The following CELF2 variants were observed in gnomAD, a reference collection of about 807,000 sequenced individuals.
The protein encoded by CELF2 is CUGBP Elav-like family member 2, also known as CUG triplet repeat RNA-binding protein 2.
CELF2 carries 8 observed loss-of-function variants against 62.6 expected under a neutral mutation model. The observed-to-expected ratio is 0.13, with a 90% CI of 0.07 to 0.23. The LOEUF is 0.23. Ranked by LOEUF, CELF2 falls within the 10% of genes least tolerant of loss-of-function variation. CELF2 has a pLI of 1.00. For missense variants in CELF2, 333 were observed against 671.0 expected, an observed-to-expected ratio of 0.50 and a Z score of 5.56; for synonymous variants, 258 against 250.0, an observed-to-expected ratio of 1.03 and a Z score of -0.30.
At chr10:10,728,181 T>G in the CELF2 span, among the ~76,000 whole-genome samples, 1 of 151,168 alleles carries the variant, frequency 6.6e-6, no homozygotes, top group Non-Finnish European at 1.5e-5. Context: ...GGCTCATGCC[T>G]GTAAATCCCA....
chr10:10,872,329 A>C (rs1219106468), intron 1 of CELF2, among the ~76,000 whole-genome samples: 1 of 152,224 alleles, frequency 6.6e-6, no homozygotes, highest in Non-Finnish European at 1.5e-5. Context: ...TGATCTCAAC[A>C]AATTAACTTC....
chr10:10,699,570 G>A, the CELF2 span, among the ~76,000 whole-genome samples: 2 of 152,240 alleles, frequency 1.3e-5, no homozygotes, highest in South Asian at 4.1e-4. Flanking sequence ...GTGATTTGCA[G>A]TTATCTAGGT....
chr10:10,868,781 A>G (rs1564742496), intron 1 of CELF2, among the ~76,000 whole-genome samples: 1 of 152,370 alleles, frequency 6.6e-6, no homozygotes, highest in East Asian at 1.9e-4. Context: ...CATTTGTGAT[A>G]TGTATACTTT....
At chr10:10,541,358 C>T in the CELF2 span, among the ~76,000 whole-genome samples, 1 of 151,884 alleles carries the variant, frequency 6.6e-6, no homozygotes, top group Non-Finnish European at 1.5e-5. Flanking sequence ...GGTTCTTGGA[C>T]CTCATGCAAG....
chr10:10,906,325 A>C (rs1402948690), intron 1 of CELF2, among the ~76,000 whole-genome samples: 1 of 152,200 alleles, frequency 6.6e-6, no homozygotes. Flanking sequence ...ACCTGAAAAA[A>C]AGCCATCTTT....
the CELF2 span, among the ~76,000 whole-genome samples, chr10:10,775,648 C>G: frequency 6.6e-6 from 1 of 151,492 alleles, no homozygotes; most frequent in Non-Finnish European, 1.5e-5. Flanking sequence ...GGGACAGAGA[C>G]ATAGAAACAG....
chr10:10,919,733 T>C (rs777627096), intron 1 of CELF2, among the ~76,000 whole-genome samples: 6 of 152,210 alleles, frequency 3.9e-5, no homozygotes, highest in East Asian at 3.9e-4. Context: ...CACCAGAAAG[T>C]AGAGGCAGAT....
chr10:11,035,319 G>A (rs1233755822), intron 1 of CELF2, among the ~76,000 whole-genome samples: 1 of 152,232 alleles, frequency 6.6e-6, no homozygotes, highest in Non-Finnish European at 1.5e-5. Flanking sequence ...GTAGCAGCCT[G>A]CTGGGAGATG....
chr10:11,279,894 G>A (rs889117704), intron 8 of CELF2, among the ~76,000 whole-genome samples: 3 of 152,084 alleles, frequency 2.0e-5, no homozygotes, highest in East Asian at 3.9e-4. Context: ...TTAGCCCATC[G>A]TTGAGTTCCT....
chr10:10,676,953 T>C, the CELF2 span, among the ~76,000 whole-genome samples: 3 of 152,204 alleles, frequency 2.0e-5, no homozygotes, highest in Non-Finnish European at 2.9e-5. Flanking sequence ...CATTCATTAT[T>C]CTAAGGGCTA....
chr10:11,330,343 C>T lies in CELF2; in HGVS notation c.*1290C>T, dbSNP rs1188637993. The T allele has an allele frequency of 2.0e-5, 3 of 152,326 alleles. No homozygotes were observed. The East Asian group carries it at 5.8e-4, about 29-fold the overall frequency. The allele number at this position is 152,326 out of a possible 1,614,324, so 9.4% of individuals were successfully genotyped here. A position where few individuals can be genotyped will look rare whatever the true frequency, so the allele number is the denominator to read the frequency against. On this transcript the variant is annotated 3_prime_UTR_variant, in exon 13 of 13. Coordinates refer to ENST00000633077, the MANE Select transcript of CELF2 (RefSeq NM_001326342.2). The surrounding 1 kb of genome is among the most constrained non-coding windows in gnomAD (Gnocchi z 4.5). The stretch of plus-strand genomic sequence containing the variant: ...GCAAATTATGTGAATGGCTCGGAGA[C>T]TCCCTAATGACCTAAGATTTGCATT...
chr10:10,502,370 G>C, the CELF2 span, among the ~76,000 whole-genome samples: 1 of 151,774 alleles, frequency 6.6e-6, no homozygotes, highest in Non-Finnish European at 1.5e-5. Flanking sequence ...TTGGTATTAG[G>C]GTCCCAAATT....
intron 2 of CELF2, among the ~76,000 whole-genome samples, chr10:10,927,479 G>T (rs1463792279): frequency 6.6e-6 from 1 of 151,578 alleles, no homozygotes; most frequent in Non-Finnish European, 1.5e-5. Context: ...CAAGATGAAA[G>T]TTCAGTGGCA....
At chr10:10,879,622 C>T (rs932864722) in intron 1 of CELF2, among the ~76,000 whole-genome samples, 7 of 152,194 alleles carry the variant, frequency 4.6e-5, no homozygotes, top group Admixed American at 1.3e-4. Context: ...CTACAGGGCA[C>T]CTGTCTTAAT....
intron 1 of CELF2, among the ~76,000 whole-genome samples, chr10:10,908,088 G>A (rs114688818): frequency 0.013 from 1,914 of 152,058 alleles, 45 homozygotes; most frequent in African/African-American, 0.042. Context: ...CGGCCTGCCC[G>A]TACAGTCAGA....
the CELF2 span, among the ~76,000 whole-genome samples, chr10:10,703,026 C>T: frequency 0.018 from 2,760 of 152,334 alleles, 43 homozygotes; most frequent in African/African-American, 0.042. Flanking sequence ...GGTCATCCCA[C>T]TCTCCTTGAC....
intron 1 of CELF2, among the ~76,000 whole-genome samples, chr10:11,035,587 G>T (rs2060817741): frequency 6.6e-6 from 1 of 152,098 alleles, no homozygotes; most frequent in South Asian, 2.1e-4. Context: ...ATGGCCCTGG[G>T]GTGCCTAGGT....
intron 2 of CELF2, among the ~76,000 whole-genome samples, chr10:10,979,665 T>A (rs1223925539): frequency 8.0e-6 from 1 of 125,086 alleles, no homozygotes; most frequent in Admixed American, 7.8e-5. Context: ...AGCCAGACCT[T>A]GTCTCTCAAA....
the CELF2 span, among the ~76,000 whole-genome samples, chr10:10,723,767 A>G: frequency 6.6e-6 from 1 of 152,206 alleles, no homozygotes; most frequent in African/African-American, 2.4e-5. Context: ...TTAAAGCACA[A>G]TATGTATTCC....
Sources: allele counts gnomAD v4.1 joint callset (sites outside exome capture counted in the v4.1 genomes callset), GRCh38; gene constraint gnomAD v4.1.1; non-coding constraint Gnocchi (gnomAD v3.1); transcripts MANE v1.5; gene names NCBI Gene and HGNC (gene_info 2026-07-23, HGNC 2026-07-21).